EDIL3: variants seen among roughly 807,000 people sequenced by gnomAD.
EDIL3 encodes the protein EGF like and discoidin domains 3.
Under a neutral mutation model 67.4 loss-of-function variants are expected in EDIL3, and 37 were observed. The observed-to-expected ratio is 0.55, with a 90% CI of 0.42 to 0.72. The LOEUF is 0.72. EDIL3 is among the 30% of genes least tolerant of loss of function. The pLI is 0.00. For synonymous variants in EDIL3, 195 were observed against 196.3 expected, an observed-to-expected ratio of 0.99 and a Z score of 0.05; for missense variants, 527 against 586.3, an observed-to-expected ratio of 0.90 and a Z score of 1.04.
At chr5:84,287,452 A>G (rs1375528158) in intron 1 of EDIL3, among the ~76,000 whole-genome samples, 1 of 152,188 alleles carries the variant, frequency 6.6e-6, no homozygotes. Context: ...ATAATTTGCA[A>G]TATTAAATTT....
intron 6 of EDIL3, among the ~76,000 whole-genome samples, chr5:84,081,907 C>T (rs764776930): frequency 1.4e-4 from 22 of 152,204 alleles, no homozygotes; most frequent in Non-Finnish European, 2.5e-4. Flanking sequence ...CATATGAATG[C>T]TCTCCTTGGC....
chr5:84,079,989 A>G (rs1351563244), intron 6 of EDIL3, among the ~76,000 whole-genome samples: 1 of 151,680 alleles, frequency 6.6e-6, no homozygotes, highest in Admixed American at 6.6e-5. Flanking sequence ...TTTAAGGATA[A>G]AAAGAGTAAC....
intron 1 of EDIL3, among the ~76,000 whole-genome samples, chr5:84,260,023 G>T (rs776035564): frequency 9.2e-5 from 14 of 152,080 alleles, no homozygotes; most frequent in Non-Finnish European, 1.2e-4. Context: ...AGCTGATTTT[G>T]TTCACTGATA....
At chr5:84,047,227 T>C (rs749624034) in intron 9 of EDIL3, among the ~76,000 whole-genome samples, 3 of 152,256 alleles carry the variant, frequency 2.0e-5, no homozygotes, top group Middle Eastern at 6.8e-3. Context: ...CAGAAACTAT[T>C]ACTTTGGGCC....
chr5:84,297,207 A>G (rs1580061666), intron 1 of EDIL3, among the ~76,000 whole-genome samples: 1 of 151,068 alleles, frequency 6.6e-6, no homozygotes, highest in Non-Finnish European at 1.5e-5. Flanking sequence ...AGACACCATT[A>G]AAAAGTGGGT....
At chr5:84,292,340 G>C (rs1745940227) in intron 1 of EDIL3, among the ~76,000 whole-genome samples, 1 of 151,972 alleles carries the variant, frequency 6.6e-6, no homozygotes, top group Non-Finnish European at 1.5e-5. Flanking sequence ...GTTGTTTTCT[G>C]AATAAGATAT....
At chr5:84,216,230 C>T (rs1312021301) in intron 3 of EDIL3, among the ~76,000 whole-genome samples, 3 of 152,098 alleles carry the variant, frequency 2.0e-5, no homozygotes, top group Admixed American at 6.5e-5. Context: ...ATTTTTAATG[C>T]AAGTATGTAA....
chr5:84,352,495 A>T (rs1747380997), intron 1 of EDIL3, among the ~76,000 whole-genome samples: 1 of 152,176 alleles, frequency 6.6e-6, no homozygotes, highest in Admixed American at 6.5e-5. Flanking sequence ...TCTTTGCAGC[A>T]ACATGGATGG....
intron 9 of EDIL3, among the ~76,000 whole-genome samples, chr5:84,053,340 C>T (rs1217884817): frequency 3.9e-5 from 6 of 152,076 alleles, no homozygotes; most frequent in Admixed American, 3.9e-4. Flanking sequence ...GCACTAAATG[C>T]CCACAAGAGA....
At chr5:84,132,298 A>T (rs1178137217) in intron 5 of EDIL3, among the ~76,000 whole-genome samples, 2 of 93,486 alleles carry the variant, frequency 2.1e-5, no homozygotes, top group African/African-American at 8.1e-5. Flanking sequence ...TATATATTTT[A>T]TATATAATAT....
chr5:83,983,684 G>A (rs543009580), intron 9 of EDIL3, among the ~76,000 whole-genome samples: 2 of 151,406 alleles, frequency 1.3e-5, no homozygotes, highest in South Asian at 4.2e-4. Flanking sequence ...GATTCAAAGA[G>A]TAGTAATGAG....
At chr5:84,168,772 G>A (rs1358457925) in intron 4 of EDIL3, among the ~76,000 whole-genome samples, 1 of 152,130 alleles carries the variant, frequency 6.6e-6, no homozygotes, top group Non-Finnish European at 1.5e-5. Flanking sequence ...GTGGTTGCAA[G>A]GTTCCACGCT....
chr5:84,297,635 G>A (rs1007210499), intron 1 of EDIL3, among the ~76,000 whole-genome samples: 1 of 152,178 alleles, frequency 6.6e-6, no homozygotes, highest in Admixed American at 6.5e-5. Flanking sequence ...AGGCTGAGGA[G>A]GCTGAGAAGC....
intron 3 of EDIL3, among the ~76,000 whole-genome samples, chr5:84,182,516 C>T (rs975778914): frequency 6.6e-6 from 1 of 151,702 alleles, no homozygotes; most frequent in Non-Finnish European, 1.5e-5. Flanking sequence ...AAAAAAATCA[C>T]CAGCATCACT....
At chr5:83,976,649 C>T (rs1744881484) in intron 9 of EDIL3, among the ~76,000 whole-genome samples, 1 of 151,596 alleles carries the variant, frequency 6.6e-6, no homozygotes, top group African/African-American at 2.4e-5. Flanking sequence ...AACCATCACC[C>T]AACCAACCCG....
intron 9 of EDIL3, among the ~76,000 whole-genome samples, chr5:84,050,694 G>A (rs569312269): frequency 3.3e-5 from 5 of 152,304 alleles, no homozygotes; most frequent in East Asian, 1.9e-4. Flanking sequence ...AGGGTCCCAC[G>A]CCCACAGAGC....
intron 4 of EDIL3, among the ~76,000 whole-genome samples, chr5:84,172,424 A>C (rs898143970): frequency 3.9e-5 from 6 of 152,022 alleles, no homozygotes; most frequent in African/African-American, 1.4e-4. Context: ...TATATAAAAA[A>C]TACAAAAATT....
intron 1 of EDIL3, among the ~76,000 whole-genome samples, chr5:84,360,295 C>G (rs1160817074): frequency 6.6e-6 from 1 of 152,152 alleles, no homozygotes; most frequent in African/African-American, 2.4e-5. Context: ...CTGAGTAATT[C>G]AGAATCTAAT....
At chr5:84,309,493 G>A (rs879565712) in intron 1 of EDIL3, among the ~76,000 whole-genome samples, 5 of 128,068 alleles carry the variant, frequency 3.9e-5, no homozygotes, top group South Asian at 2.5e-4. Context: ...CCCTTCCCCC[G>A]TCCCCCCACC....
Sources: gnomAD v4.1 joint callset for allele counts (sites outside exome capture counted in the v4.1 genomes callset) on GRCh38, gnomAD v4.1.1 for gene constraint, MANE v1.5 for transcripts, NCBI Gene and HGNC (gene_info 2026-07-23, HGNC 2026-07-21) for gene names.